PHEX: variants seen among roughly 807,000 people sequenced by gnomAD.
PHEX encodes the protein phosphate-regulating neutral endopeptidase PHEX.
PHEX carries 16 observed loss-of-function variants against 68.0 expected under a neutral mutation model. The observed-to-expected ratio is 0.24, with a 90% CI of 0.16 to 0.36. PHEX has a LOEUF of 0.36. Ranked by LOEUF, PHEX falls within the 10% of genes least tolerant of loss-of-function variation. The pLI, the probability that PHEX is intolerant of heterozygous loss-of-function variation, is 1.00. For missense variants in PHEX, 480 were observed against 575.5 expected (o/e 0.83, Z 1.70); for synonymous variants, 208 against 205.1 (o/e 1.01, Z -0.12).
intron 5 of PHEX, among the ~76,000 whole-genome samples, chrX:22,077,998 C>A (rs1240029632): frequency 8.9e-6 from 1 of 111,889 alleles, no homozygotes; most frequent in Non-Finnish European, 1.9e-5. Context: ...GGGAAGGGGA[C>A]TGCAGGTCTC....
At position 22,038,338 on chromosome X, in the gene PHEX, G is replaced by A. The variant is rs931060549; in HGVS notation, c.119-131G>A. ...CTGGTTTCGTGACATTGAACCAACT[G>A]GGTTTTGGAATACCGTGTCAACACT... On this transcript the variant is annotated intron_variant, in intron 1 of 21. Transcript: ENST00000379374. 7.1e-6 allele frequency: 4 copies of A among 564,313 alleles called. No individual in the cohort carries two copies. The African/African-American group carries it at 9.0e-5, about 13-fold the overall frequency. The allele number at this position is 564,313 out of a possible 1,213,427, so 46.5% of individuals were successfully genotyped here.
At chrX:22,137,270 T>G (rs1460791430) in intron 12 of PHEX, among the ~76,000 whole-genome samples, 1 of 111,389 alleles carries the variant, frequency 9.0e-6, no homozygotes, top group East Asian at 2.8e-4. Context: ...TCGGAATTAT[T>G]TGTTTGTTTG....
In PHEX at chrX:22,249,677, C is replaced by T. The variant is rs1936517924; in HGVS notation, c.*1724C>T. 1 of 106,568 alleles carries T rather than the reference C, an allele frequency of 9.4e-6. No individual in the cohort carries two copies. Among genetic ancestry groups the T allele is most frequent in the Admixed American group, 1.0e-4 (1 of 9,792 alleles). 8.8% of individuals were successfully genotyped at this position (106,568 alleles called of 1,213,427 possible). A position where few individuals can be genotyped will look rare whatever the true frequency, so the allele number is the denominator to read the frequency against. ...GGCAGCTACCTTGTCCTCCTCTTAA[C>T]CTGGCTTAATGTGACCTTAGTTTGT... is the stretch of plus-strand genomic sequence containing the variant. On this transcript the variant is annotated 3_prime_UTR_variant, in exon 22 of 22. Transcript: ENST00000379374.
rs1353943963 is a variant in PHEX, at chrX:22,219,307, G to A, written c.1768+204G>A. Among the ~76,000 whole-genome samples the A allele has an allele frequency of 5.3e-5, 6 of 112,558 alleles. No homozygotes were observed. In the East Asian group the frequency reaches 1.7e-3, roughly 32 times the overall value. Reference sequence around the variant, plus strand: ...AAACAATTGTTCCCATTGGTGATCGGGGTAGACTTTAAAAGGCAGCCTTGT... The same window carrying A: ...AAACAATTGTTCCCATTGGTGATCGAGGTAGACTTTAAAAGGCAGCCTTGT... On this transcript the variant is annotated intron_variant, in intron 17 of 21. Coordinates refer to ENST00000379374, the MANE Select transcript of PHEX (RefSeq NM_000444.6).
At chrX:22,221,500 G>A in intron 17 of PHEX, 113 bp from the exon 18 acceptor site, 1 of 616,743 alleles carries the variant, frequency 1.6e-6, no homozygotes, top group South Asian at 2.4e-5. Flanking sequence ...CTCAGGAAGA[G>A]TGTTCCCTGC....
intron 14 of PHEX, 34 bp from the exon 15 acceptor site, chrX:22,190,410 G>C: frequency 9.4e-7 from 1 of 1,059,280 alleles, no homozygotes. Flanking sequence ...GTATAATGAT[G>C]ATTGCTCTCT....
At chrX:22,131,846 G>T (rs1353679792) in intron 11 of PHEX, among the ~76,000 whole-genome samples, 1 of 110,858 alleles carries the variant, frequency 9.0e-6, no homozygotes, top group Non-Finnish European at 1.9e-5. Context: ...AAGCATCTCT[G>T]CAGGAGAACT....
chrX:22,118,714 C>T (rs778807464), intron 11 of PHEX, among the ~76,000 whole-genome samples: 48 of 111,167 alleles, frequency 4.3e-4, no homozygotes, highest in Middle Eastern at 9.2e-3. Flanking sequence ...GGTTTCCTAC[C>T]TATCAGTGTT....
At chrX:22,225,561 A>G (rs2285079) in intron 18 of PHEX, among the ~76,000 whole-genome samples, 49,662 of 111,029 alleles carry the variant, frequency 0.45, 9,451 homozygotes, top group African/African-American at 0.73. Flanking sequence ...TAATTCTGCC[A>G]CTGTAGCAAG....
chrX:22,171,901 T>C (rs1221585052), intron 13 of PHEX: 1 of 111,946 alleles, frequency 8.9e-6, no homozygotes, highest in Non-Finnish European at 1.9e-5. Flanking sequence ...GGTGGAGATA[T>C]GATTCATCAG....
chrX:22,052,281 G>T (rs188411871), intron 3 of PHEX, among the ~76,000 whole-genome samples: 145 of 112,563 alleles, frequency 1.3e-3, no homozygotes, highest in African/African-American at 4.2e-3. Context: ...GGCTGGAAGT[G>T]CAGTAGCACG....
At position 22,098,795 on chromosome X, in the gene PHEX, CAAAAAAAAAAAA is replaced by C. The variant is rs746223770; in HGVS notation, c.934-190_934-179del. On this transcript the variant is annotated intron_variant, in intron 8 of 21. Transcript: ENST00000379374. Reference sequence around the variant, plus strand: ...CCTGGGTGATAGAGCGAGAATGTCTCAAAAAAAAAAAAAAAAAAAAAAAAAAAAAAAAGACAA... The same window carrying C: ...CCTGGGTGATAGAGCGAGAATGTCTCAAAAAAAAAAAAAAAAAAAAGACAA... Among the ~76,000 whole-genome samples, 17 of 11,369 alleles carry C rather than the reference CAAAAAAAAAAAA, an allele frequency of 1.5e-3. 1 individual carries two copies. Among genetic ancestry groups the C allele is most frequent in the South Asian group, 0.031 (2 of 65 alleles). 9.9% of individuals were successfully genotyped at this position (11,369 alleles called of 115,157 possible). A position where few individuals can be genotyped will look rare whatever the true frequency, so the allele number is the denominator to read the frequency against.
intron 2 of PHEX, among the ~76,000 whole-genome samples, chrX:22,040,312 T>C (rs1190717287): frequency 9.0e-6 from 1 of 111,337 alleles, no homozygotes; most frequent in Non-Finnish European, 1.9e-5. Context: ...GTGAACCAGG[T>C]ATGGGAAGAA....
In PHEX at chrX:22,076,582, A is replaced by G. The variant is rs1397163848; in HGVS notation, c.436+108A>G. ...GAAGAAGAGAACTACTAAGAATTCTATTAATGTTTAAAGGTGTTAAAGGAA... is the reference window on the plus strand; with the variant it reads ...GAAGAAGAGAACTACTAAGAATTCTGTTAATGTTTAAAGGTGTTAAAGGAA... On this transcript the variant is annotated intron_variant, in intron 4 of 21. Coordinates refer to ENST00000379374, the MANE Select transcript of PHEX (RefSeq NM_000444.6). The G allele has an allele frequency of 5.1e-5, 29 of 564,517 alleles. 1 individual carries two copies. In the East Asian group the frequency reaches 9.4e-4, roughly 18 times the overall value. The allele number at this position is 564,517 out of a possible 1,213,427, so 46.5% of individuals were successfully genotyped here.
chrX:22,140,643 G>A (rs764795413), intron 12 of PHEX, among the ~76,000 whole-genome samples: 170 of 109,495 alleles, frequency 1.6e-3, no homozygotes, highest in Non-Finnish European at 3.0e-3. Flanking sequence ...CACCATGCCC[G>A]GCTAATTTTT....
intron 3 of PHEX, among the ~76,000 whole-genome samples, chrX:22,057,542 G>A: frequency 9.1e-6 from 1 of 110,270 alleles, no homozygotes; most frequent in Non-Finnish European, 1.9e-5. Context: ...AGTGAGCCAA[G>A]ACTGCACAAC....
intron 3 of PHEX, among the ~76,000 whole-genome samples, chrX:22,059,187 C>G (rs1379503423): frequency 9.0e-6 from 1 of 111,637 alleles, no homozygotes; most frequent in African/African-American, 3.3e-5. Flanking sequence ...AGAGGGCTGT[C>G]AATACAATTC....
chrX:22,057,304 T>C (rs1414161079), intron 3 of PHEX, among the ~76,000 whole-genome samples: 1 of 111,914 alleles, frequency 8.9e-6, no homozygotes, highest in Non-Finnish European at 1.9e-5. Context: ...AGAACACCTT[T>C]ATTTAAAATA....
intron 11 of PHEX, among the ~76,000 whole-genome samples, chrX:22,123,301 G>A (rs1931569495): frequency 9.0e-6 from 1 of 110,835 alleles, no homozygotes; most frequent in Non-Finnish European, 1.9e-5. Context: ...TTTTTAATGA[G>A]AGGATCTGCA....
Sources: allele counts gnomAD v4.1 joint callset (sites outside exome capture counted in the v4.1 genomes callset), GRCh38; gene constraint gnomAD v4.1.1; transcripts MANE v1.5; gene names NCBI Gene and HGNC (gene_info 2026-07-23, HGNC 2026-07-21).